CADPS: variants seen among roughly 807,000 people sequenced by gnomAD.
The protein encoded by CADPS is calcium-dependent secretion activator 1.
Under a neutral mutation model 167.3 loss-of-function variants are expected in CADPS, and 57 were observed. The observed-to-expected ratio is 0.34, with a 90% CI of 0.28 to 0.42. CADPS has a LOEUF of 0.42. Among genes scored for constraint, CADPS ranks in the 20% least tolerant of loss-of-function variants. The pLI is 1.00. For missense variants in CADPS, 1,414 were observed against 1,738.1 expected, an observed-to-expected ratio of 0.81 and a Z score of 3.32; for synonymous variants, 676 against 635.3, an observed-to-expected ratio of 1.06 and a Z score of -0.96.
At chr3:62,599,096 C>A (rs1428672015) in intron 6 of CADPS, among the ~76,000 whole-genome samples, 1 of 152,086 alleles carries the variant, frequency 6.6e-6, no homozygotes, top group Non-Finnish European at 1.5e-5. Context: ...ATGAATACCT[C>A]TTTAAAGTGT....
Position 62,804,825 on chromosome 3 carries a change from T to C in CADPS, c.442-38841A>G, listed in dbSNP as rs576252325. ...TACTTCAAATGGTGAAAAGACAAAA[T>C]CACATAGTGTTGAAGTGCCATAGAC... is the stretch of plus-strand genomic sequence containing the variant. On this transcript the variant is annotated intron_variant, in intron 1 of 29. Transcript: ENST00000383710. 2.6e-5 allele frequency among the ~76,000 whole-genome samples: 4 copies of C among 152,266 alleles called. No individual in the cohort carries two copies. In the East Asian group the frequency reaches 7.7e-4, roughly 29 times the overall value.
At chr3:62,422,042 C>G (rs1037126614) in intron 28 of CADPS, among the ~76,000 whole-genome samples, 1 of 152,170 alleles carries the variant, frequency 6.6e-6, no homozygotes, top group African/African-American at 2.4e-5. Flanking sequence ...TGCATCTTGT[C>G]GTTAGCGAGT....
chr3:62,845,449 A>C (rs1467034749), intron 1 of CADPS, among the ~76,000 whole-genome samples: 1 of 152,202 alleles, frequency 6.6e-6, no homozygotes, highest in Non-Finnish European at 1.5e-5. Flanking sequence ...ATCTCTCATT[A>C]GGTCATTTTG....
chr3:62,523,568 T>C (rs79144280), intron 13 of CADPS, among the ~76,000 whole-genome samples: 2,765 of 152,294 alleles, frequency 0.018, 43 homozygotes, highest in African/African-American at 0.045. Flanking sequence ...AAAGGTAAGA[T>C]GTCTCTTCAA....
chr3:62,429,907 C>T (rs1049189246), intron 28 of CADPS, among the ~76,000 whole-genome samples: 6 of 152,180 alleles, frequency 3.9e-5, no homozygotes, highest in African/African-American at 1.4e-4. Context: ...CTGATAAAGA[C>T]ACTTAGCAAA....
intron 11 of CADPS, among the ~76,000 whole-genome samples, chr3:62,536,799 T>C (rs1431229556): frequency 6.6e-6 from 1 of 152,188 alleles, no homozygotes; most frequent in Non-Finnish European, 1.5e-5. Context: ...GATATTGGCA[T>C]CAACATGTTT....
chr3:62,676,606 A>G (rs1330275053), intron 3 of CADPS, among the ~76,000 whole-genome samples: 2 of 152,150 alleles, frequency 1.3e-5, no homozygotes, highest in Non-Finnish European at 2.9e-5. Context: ...AGGACTGTTC[A>G]GAGATTATTA....
At chr3:62,857,333 T>C (rs2079906860) in intron 1 of CADPS, among the ~76,000 whole-genome samples, 1 of 152,124 alleles carries the variant, frequency 6.6e-6, no homozygotes, top group Non-Finnish European at 1.5e-5. Context: ...TGTAAATTTC[T>C]ACAGATGCTT....
At chr3:62,603,218 G>T (rs554258555) in intron 6 of CADPS, among the ~76,000 whole-genome samples, 4 of 152,158 alleles carry the variant, frequency 2.6e-5, no homozygotes, top group Non-Finnish European at 5.9e-5. Context: ...CTGAAAAAAT[G>T]ATTTCAAGAA....
chr3:62,599,736 A>ACT (rs2059520844), intron 6 of CADPS, among the ~76,000 whole-genome samples: 1 of 44,736 alleles, frequency 2.2e-5, no homozygotes, highest in African/African-American at 1.1e-4. Flanking sequence ...TAGTATATAT[A>ACT]ATATATATAA....
At chr3:62,747,079 A>C (rs2081619893) in intron 3 of CADPS, among the ~76,000 whole-genome samples, 2 of 152,198 alleles carry the variant, frequency 1.3e-5, no homozygotes, top group Admixed American at 6.5e-5. Context: ...AAAGTAAGAA[A>C]GTTTAGGCTG....
At chr3:62,635,646 GT>G (rs67151220) in intron 6 of CADPS, among the ~76,000 whole-genome samples, 23,471 of 144,068 alleles carry the variant, frequency 0.16, 1,830 homozygotes, top group Middle Eastern at 0.23. Context: ...GGCTTTCTCT[GT>G]TTTTTTTTTT....
chr3:62,537,571 A>C (rs1453816137), intron 11 of CADPS, among the ~76,000 whole-genome samples: 1 of 152,176 alleles, frequency 6.6e-6, no homozygotes, highest in Non-Finnish European at 1.5e-5. Flanking sequence ...TCTTCTATCA[A>C]ATCTAGCAAA....
At chr3:62,658,367 T>C (rs2072264172) in intron 4 of CADPS, among the ~76,000 whole-genome samples, 1 of 152,086 alleles carries the variant, frequency 6.6e-6, no homozygotes, top group African/African-American at 2.4e-5. Context: ...GGTAAAAGCC[T>C]GAGTAAAGGG....
Position 62,711,071 on chromosome 3 carries a change from A to G in CADPS, c.888+42370T>C, listed in dbSNP as rs192864234. On this transcript the variant is annotated intron_variant, in intron 3 of 29. Coordinates refer to ENST00000383710, the MANE Select transcript of CADPS (RefSeq NM_003716.4). Reference sequence around the variant, plus strand: ...GGGATTTGTAATTTCTTTGGGGCCAAGAATTCCTCAGTACAGTCCTATTTA... The same window carrying G: ...GGGATTTGTAATTTCTTTGGGGCCAGGAATTCCTCAGTACAGTCCTATTTA... Among the ~76,000 whole-genome samples the G allele has an allele frequency of 2.0e-5, 3 of 152,348 alleles. No individual in the cohort carries two copies. In the East Asian group the frequency reaches 5.8e-4, roughly 29 times the overall value.
At chr3:62,694,537 T>C (rs36116320) in intron 3 of CADPS, among the ~76,000 whole-genome samples, 12,091 of 152,092 alleles carry the variant, frequency 0.079, 634 homozygotes, top group Non-Finnish European at 0.12. Context: ...CCTTCCATCA[T>C]AGAAGGGACA....
At chr3:62,690,571 C>T (rs530791552) in intron 3 of CADPS, among the ~76,000 whole-genome samples, 1 of 151,924 alleles carries the variant, frequency 6.6e-6, no homozygotes, top group Non-Finnish European at 1.5e-5. Flanking sequence ...CCCGGACTGT[C>T]CCTGTGTCCA....
chr3:62,730,098 T>C (rs958074985), intron 3 of CADPS, among the ~76,000 whole-genome samples: 1 of 150,050 alleles, frequency 6.7e-6, no homozygotes, highest in African/African-American at 2.5e-5. Flanking sequence ...CTGTGAAGTA[T>C]CCGTGAAGTA....
At chr3:62,591,541 G>A (rs1440549709) in intron 7 of CADPS, among the ~76,000 whole-genome samples, 1 of 152,164 alleles carries the variant, frequency 6.6e-6, no homozygotes, top group Non-Finnish European at 1.5e-5. Flanking sequence ...GGTATAGTAG[G>A]CGGGGAGGAA....
Sources: gnomAD v4.1 joint callset for allele counts (sites outside exome capture counted in the v4.1 genomes callset) on GRCh38, gnomAD v4.1.1 for gene constraint, MANE v1.5 for transcripts, NCBI Gene and HGNC (gene_info 2026-07-23, HGNC 2026-07-21) for gene names.